The following CREBBP variants were observed in gnomAD, a reference collection of about 807,000 sequenced individuals.
CREBBP encodes CREB binding lysine acetyltransferase.
CREBBP carries 19 observed loss-of-function variants against 265.0 expected under a neutral mutation model. The ratio of observed to expected loss-of-function variants is 0.07; its 90% confidence interval spans 0.05 to 0.11. The LOEUF is 0.11. Ranked by LOEUF, CREBBP falls within the 10% of genes least tolerant of loss-of-function variation. CREBBP has a pLI of 1.00. For synonymous variants in CREBBP, 1,457 were observed against 1,223.7 expected, an observed-to-expected ratio of 1.19 and a Z score of -3.98; for missense variants, 2,525 against 3,219.0, an observed-to-expected ratio of 0.78 and a Z score of 5.22.
At chr16:3,785,927 C>T (rs979727997) in intron 5 of CREBBP, among the ~76,000 whole-genome samples, 4 of 152,234 alleles carry the variant, frequency 2.6e-5, no homozygotes, top group African/African-American at 9.6e-5. Flanking sequence ...CCCCAACATC[C>T]CCTAGTCTCA....
At chr16:3,802,010 C>T (rs568153530) in intron 3 of CREBBP, among the ~76,000 whole-genome samples, 1 of 151,116 alleles carries the variant, frequency 6.6e-6, no homozygotes, top group South Asian at 2.1e-4. Context: ...AGGCTCTTTG[C>T]ATGTGTTGCT....
chr16:3,780,678 G>A, intron 8 of CREBBP, 54 bp downstream of exon 8: 1 of 1,593,592 alleles, frequency 6.3e-7, no homozygotes, highest in East Asian at 2.2e-5. Flanking sequence ...GGTAGCCAAT[G>A]GGCAACACAG....
chr16:3,735,035 C>T (rs2052016694), intron 28 of CREBBP, among the ~76,000 whole-genome samples: 1 of 151,986 alleles, frequency 6.6e-6, no homozygotes, highest in South Asian at 2.1e-4. Context: ...CTCCCTGCAC[C>T]TACAGCTACA....
intron 3 of CREBBP, among the ~76,000 whole-genome samples, chr16:3,801,332 G>A (rs981823756): frequency 5.9e-5 from 9 of 152,178 alleles, no homozygotes; most frequent in African/African-American, 1.4e-4. Flanking sequence ...TTACTCATGA[G>A]AGAAATGCTC....
At chr16:3,769,692 T>C (rs1049182081) in intron 14 of CREBBP, among the ~76,000 whole-genome samples, 7 of 152,202 alleles carry the variant, frequency 4.6e-5, no homozygotes, top group African/African-American at 1.7e-4. Context: ...TTAATGTGTA[T>C]GGTAAAAGGC....
intron 6 of CREBBP, among the ~76,000 whole-genome samples, chr16:3,782,441 G>A (rs929112415): frequency 5.9e-5 from 9 of 152,208 alleles, no homozygotes; most frequent in African/African-American, 1.4e-4. Flanking sequence ...TATGAAAACC[G>A]TCCAGACAGA....
chr16:3,745,174 T>C, intron 22 of CREBBP, 103 bp downstream of exon 22: 1 of 1,142,404 alleles, frequency 8.8e-7, no homozygotes, highest in Non-Finnish European at 1.3e-6. Flanking sequence ...TCTTAATCGC[T>C]GAATTCTTGC....
At chr16:3,745,110 AT>A in intron 22 of CREBBP, 149 bp from the exon 23 acceptor site, 1 of 920,074 alleles carries the variant, frequency 1.1e-6, no homozygotes, top group Non-Finnish European at 1.7e-6. Context: ...TGATTCCACA[AT>A]TCCTAAAGCG....
At chr16:3,740,984 G>T (rs1228625024) in intron 23 of CREBBP, 1 of 335,010 alleles carries the variant, frequency 3.0e-6, no homozygotes, top group African/African-American at 2.2e-5. Flanking sequence ...CGTGAACGTG[G>T]AACGTTCTAG....
intron 1 of CREBBP, among the ~76,000 whole-genome samples, chr16:3,875,397 T>C (rs1397481707): frequency 2.0e-5 from 3 of 152,178 alleles, no homozygotes; most frequent in Admixed American, 6.5e-5. Flanking sequence ...CAGAACTCAC[T>C]GATGGGGTAA....
At chr16:3,762,310 C>T (rs570576262) in intron 16 of CREBBP, among the ~76,000 whole-genome samples, 60 of 150,248 alleles carry the variant, frequency 4.0e-4, no homozygotes, top group Admixed American at 5.3e-4. Context: ...ATCATTTATT[C>T]ATTCATTAAA....
chr16:3,839,751 A>C, intron 2 of CREBBP, among the ~76,000 whole-genome samples: 1 of 145,788 alleles, frequency 6.9e-6, no homozygotes, highest in Non-Finnish European at 1.5e-5. Context: ...GAGGGAAGGA[A>C]AGGAAGGGAG....
In CREBBP at chr16:3,791,985, T is replaced by A. The variant is rs370225500; in HGVS notation, c.1326A>T (p.Gln442His). 1 of 1,612,422 alleles carries A rather than the reference T, an allele frequency of 6.2e-7. No homozygotes were observed. The highest frequency in any genetic ancestry group is 1.3e-5 in the African/African-American group (1 of 74,912). ...PLKNASDKRN[Q>H]QTILGSPASG... ...TCTGCCCCCGTGCTCACTTACTTTG[T>A]TGGTTTCGCTTGTCACTGGCATTTT... Residue 442 changes from glutamine to histidine, a missense_variant, in exon 5 of 31, where the codon CAA (glutamine) becomes CAT (histidine). By Grantham distance (24) the Gln-to-His change is conservative (BLOSUM62 0). This residue lies in a region of CREBBP where 48 missense variants were observed against 70.2 expected (regional missense o/e 0.68). Coordinates refer to ENST00000262367, the MANE Select transcript of CREBBP (RefSeq NM_004380.3).
At chr16:3,756,618 C>T (rs1250085025) in intron 19 of CREBBP, among the ~76,000 whole-genome samples, 1 of 152,142 alleles carries the variant, frequency 6.6e-6, no homozygotes, top group African/African-American at 2.4e-5. Context: ...ATTAAAACAC[C>T]AGATCTCATT....
At chr16:3,847,132 C>T (rs1277781514) in intron 2 of CREBBP, among the ~76,000 whole-genome samples, 3 of 152,138 alleles carry the variant, frequency 2.0e-5, no homozygotes, top group Non-Finnish European at 4.4e-5. Context: ...GAATACTTTG[C>T]TATCAGTAAG....
At chr16:3,787,886 G>A (rs1450221396) in intron 5 of CREBBP, among the ~76,000 whole-genome samples, 1 of 152,170 alleles carries the variant, frequency 6.6e-6, no homozygotes, top group African/African-American at 2.4e-5. Context: ...GTGTTGCTCA[G>A]GCTGGTGTTG....
intron 2 of CREBBP, among the ~76,000 whole-genome samples, chr16:3,825,325 G>A (rs2054216762): frequency 6.6e-6 from 1 of 152,180 alleles, no homozygotes. Context: ...AAATAAAAAT[G>A]CAATCCCTGC....
intron 1 of CREBBP, among the ~76,000 whole-genome samples, chr16:3,869,887 C>T (rs1216601913): frequency 6.6e-6 from 1 of 152,174 alleles, no homozygotes; most frequent in African/African-American, 2.4e-5. Flanking sequence ...ACACTTGATT[C>T]TCTTGCCATC....
At chr16:3,781,872 T>C (rs1472980728) in intron 6 of CREBBP, among the ~76,000 whole-genome samples, 2 of 152,162 alleles carry the variant, frequency 1.3e-5, no homozygotes, top group Admixed American at 1.3e-4. Flanking sequence ...TCTAACTCAG[T>C]CTCCTGGCCA....
Sources: gnomAD v4.1 joint callset for allele counts (sites outside exome capture counted in the v4.1 genomes callset) on GRCh38, gnomAD v4.1.1 for gene constraint, gnomAD v4.1.1 regional missense constraint, MANE v1.5 for transcripts, NCBI Gene and HGNC (gene_info 2026-07-23, HGNC 2026-07-21) for gene names.